The following CLASP2 variants were observed in gnomAD, a reference collection of about 807,000 sequenced individuals.
CLASP2 encodes the protein cytoplasmic linker associated protein 2.
A neutral mutation model predicts 194.4 loss-of-function variants in CLASP2; 47 were observed. The observed-to-expected ratio is 0.24, with a 90% CI of 0.19 to 0.31. CLASP2 has a LOEUF of 0.31. Ranked by LOEUF, CLASP2 falls within the 10% of genes least tolerant of loss-of-function variation. CLASP2 has a pLI of 1.00. For synonymous variants in CLASP2, 619 were observed against 633.5 expected, an observed-to-expected ratio of 0.98 and a Z score of 0.34; for missense variants, 1,445 against 1,823.6, an observed-to-expected ratio of 0.79 and a Z score of 3.78.
rs1020346726 is a variant in CLASP2 at position 33,692,838 on chromosome 3, A to G, written c.275-2906T>C. Among the ~76,000 whole-genome samples, 4 of 152,324 alleles carry G rather than the reference A, an allele frequency of 2.6e-5. No individual in the cohort carries two copies. The East Asian group carries it at 7.7e-4, about 29-fold the overall frequency. Reference sequence around the variant, plus strand: ...ATGAATCAATCTATCACAGACTGGAATTTGGACAATGACACATGGAAGAAG... The same window carrying G: ...ATGAATCAATCTATCACAGACTGGAGTTTGGACAATGACACATGGAAGAAG... On this transcript the variant is annotated intron_variant, in intron 2 of 38. Transcript: ENST00000682230.
chr3:33,703,832 A>G (rs2092527800), intron 1 of CLASP2, among the ~76,000 whole-genome samples: 1 of 152,252 alleles, frequency 6.6e-6, no homozygotes, highest in Admixed American at 6.5e-5. Context: ...CAAACTTGAA[A>G]GCAACCAAGA....
chr3:33,639,735 C>T (rs1023174278), intron 8 of CLASP2, among the ~76,000 whole-genome samples: 1 of 152,158 alleles, frequency 6.6e-6, no homozygotes, highest in Non-Finnish European at 1.5e-5. Flanking sequence ...AGTCAATGAT[C>T]TGGGATTCAC....
chr3:33,523,492 A>G (rs1010644332), intron 34 of CLASP2, among the ~76,000 whole-genome samples: 3 of 152,238 alleles, frequency 2.0e-5, no homozygotes, highest in Non-Finnish European at 4.4e-5. Flanking sequence ...GTTGGAGGTC[A>G]GAAGGTAGTA....
At chr3:33,614,993 T>G (rs1008896975) in intron 12 of CLASP2, among the ~76,000 whole-genome samples, 1 of 151,860 alleles carries the variant, frequency 6.6e-6, no homozygotes, top group African/African-American at 2.4e-5. Flanking sequence ...AACAACAAAA[T>G]TTGTGAAAGA....
intron 8 of CLASP2, among the ~76,000 whole-genome samples, chr3:33,633,335 A>G (rs369349499): frequency 1.1e-3 from 161 of 152,214 alleles, no homozygotes; most frequent in African/African-American, 3.8e-3. Flanking sequence ...TCCCCAACCA[A>G]TAAGTGGGGC....
intron 7 of CLASP2, among the ~76,000 whole-genome samples, chr3:33,648,519 AT>A (rs2082657488): frequency 6.6e-6 from 1 of 152,170 alleles, no homozygotes; most frequent in Admixed American, 6.5e-5. Context: ...AAAAGGAAAA[AT>A]AAATAAATCT....
At chr3:33,663,624 C>T (rs12629079) in intron 6 of CLASP2, 109 bp from the exon 7 acceptor site, 1 of 709,940 alleles carries the variant, frequency 1.4e-6, no homozygotes, top group Non-Finnish European at 2.4e-6. Flanking sequence ...AGGGATTCAG[C>T]TAGTTTTCTA....
In CLASP2 at chr3:33,551,234, C is replaced by T. The variant is rs1287852751; in HGVS notation, c.3153+18G>A. The T allele has an allele frequency of 1.2e-6, 2 of 1,600,422 alleles. No homozygotes were observed. The highest frequency in any genetic ancestry group is 1.7e-6 in the Non-Finnish European group (2 of 1,172,398). On this transcript the variant is annotated intron_variant, in intron 30 of 38. Coordinates refer to ENST00000682230, the MANE Select transcript of CLASP2 (RefSeq NM_001365631.1). ...TTGCTTTCCCAATTTATCTTCTAAA[C>T]CTCATATTAAAATATACCTTCCGAA...
At chr3:33,585,201 T>C (rs1026208073) in intron 21 of CLASP2, among the ~76,000 whole-genome samples, 1 of 152,232 alleles carries the variant, frequency 6.6e-6, no homozygotes, top group South Asian at 2.1e-4. Context: ...ATTATTATAA[T>C]TTTTAGAACA....
intron 12 of CLASP2, among the ~76,000 whole-genome samples, chr3:33,612,884 T>C (rs766513337): frequency 6.6e-6 from 1 of 152,000 alleles, no homozygotes. Context: ...GATCAGAGGC[T>C]AGGAAGGATA....
chr3:33,647,817 G>A (rs553715840), intron 7 of CLASP2, among the ~76,000 whole-genome samples: 1 of 152,194 alleles, frequency 6.6e-6, no homozygotes, highest in Non-Finnish European at 1.5e-5. Context: ...GGTGGGTGAC[G>A]AGGTCAGGAG....
chr3:33,570,752 C>T lies in CLASP2; in HGVS notation c.2738G>A (p.Arg913Lys). Residue 913 changes from arginine (R) to lysine (K), a missense_variant, in exon 26 of 39, where the codon AGA becomes AAA. Coordinates refer to ENST00000682230, the MANE Select transcript of CLASP2 (RefSeq NM_001365631.1). ...CTTGCCATGAGGGTCAGCAAACATT[C>T]TTGTGAAAATTTCACATAATCTTTT... Reference protein sequence around the residue: ...ELKRLCEIFTRMFADPHGKRV... With the variant: ...ELKRLCEIFTKMFADPHGKRV... 6.3e-7 allele frequency: 1 copy of T among 1,592,078 alleles called. No homozygotes were observed. Among genetic ancestry groups the T allele is most frequent in the Non-Finnish European group, 8.6e-7 (1 of 1,168,740 alleles).
At chr3:33,593,963 C>T (rs1433804242) in intron 20 of CLASP2, among the ~76,000 whole-genome samples, 1 of 152,134 alleles carries the variant, frequency 6.6e-6, no homozygotes, top group South Asian at 2.1e-4. Flanking sequence ...CCCACCTCAG[C>T]CTCCAGAATA....
At chr3:33,595,111 C>A in intron 19 of CLASP2, 143 bp from the exon 20 acceptor site, 1 of 421,338 alleles carries the variant, frequency 2.4e-6, no homozygotes, top group Non-Finnish European at 4.3e-6. Context: ...AAATTAACTG[C>A]GGGAAGGTTC....
In CLASP2 at chr3:33,606,623, G is replaced by T; in HGVS notation, c.1662C>A (p.Asp554Glu). 1 of 1,613,698 alleles carries T rather than the reference G, an allele frequency of 6.2e-7. No individual in the cohort carries two copies. Among genetic ancestry groups the T allele is most frequent in the Non-Finnish European group, 8.5e-7 (1 of 1,179,728 alleles). ...SGSVASLPQS[D>E]RSSSSSQESL... Reference sequence around the variant, plus strand: ...TTTCCTGTGAGCTGGATGAGGACCTGTCTGATTGTGGAAGAGATGCTACAC... The same window carrying T: ...TTTCCTGTGAGCTGGATGAGGACCTTTCTGATTGTGGAAGAGATGCTACAC... Residue 554 changes from aspartate to glutamate, a missense_variant, in exon 16 of 39, where the codon GAC becomes GAA. Asp to Glu is a conservative substitution (Grantham distance 45). Around this residue, in one of 4 missense-constraint regions of CLASP2, gnomAD observed 174 missense variants for 179.0 expected, o/e 0.97. Coordinates refer to ENST00000682230, the MANE Select transcript of CLASP2 (RefSeq NM_001365631.1).
chr3:33,535,243 C>T lies in CLASP2; in HGVS notation c.3777G>A (p.Gln1259=). ...KEAMFDDDAD[Q]FPDDLSLDHS... ...TGACCCAGAACATACCGTCAGGAAA[C>T]TGGTCAGCATCATCATCAAACATGG... is the stretch of plus-strand genomic sequence containing the variant. Residue 1259 remains glutamine (Q), a synonymous_variant, in exon 34 of 39, where the codon CAG becomes CAA. Coordinates refer to ENST00000682230, the MANE Select transcript of CLASP2 (RefSeq NM_001365631.1). 3 of 1,612,614 alleles carry T rather than the reference C, an allele frequency of 1.9e-6. No homozygotes were observed. The East Asian group carries it at 6.7e-5, about 36-fold the overall frequency.
chr3:33,652,198 T>C (rs1020685032), intron 7 of CLASP2, among the ~76,000 whole-genome samples: 4 of 152,188 alleles, frequency 2.6e-5, no homozygotes, highest in African/African-American at 4.8e-5. Flanking sequence ...CATTAAGTAG[T>C]TTCTTATACC....
Position 33,510,357 on chromosome 3 carries a change from A to T in CLASP2, c.4317+201T>A, listed in dbSNP as rs114112026. On this transcript the variant is annotated intron_variant, in intron 37 of 38. Coordinates refer to ENST00000682230, the MANE Select transcript of CLASP2 (RefSeq NM_001365631.1). ...AATGCTCCTAAATTGTACAATTAAA[A>T]ATCGTTAATTTTATGTTATGTAAAT... Among the ~76,000 whole-genome samples, 779 of 152,296 alleles carry T rather than the reference A, an allele frequency of 5.1e-3. 10 individuals carry two copies. Among genetic ancestry groups the T allele is most frequent in the African/African-American group, 0.018 (758 of 41,554 alleles).
At chr3:33,701,747 A>G (rs2154353293) in intron 1 of CLASP2, among the ~76,000 whole-genome samples, 1 of 152,376 alleles carries the variant, frequency 6.6e-6, no homozygotes, top group Non-Finnish European at 1.5e-5. Flanking sequence ...TGATGTTACA[A>G]TTGGATATCC....
Sources: allele counts gnomAD v4.1 joint callset (sites outside exome capture counted in the v4.1 genomes callset), GRCh38; gene constraint gnomAD v4.1.1; regional missense constraint gnomAD v4.1.1; transcripts MANE v1.5; gene names NCBI Gene and HGNC (gene_info 2026-07-23, HGNC 2026-07-21).